Variants in SNX11 observed in about 807,000 individuals in gnomAD.
SNX11 encodes the protein sorting nexin-11.
SNX11 carries 19 observed loss-of-function variants against 30.7 expected under a neutral mutation model. That is an observed-to-expected ratio of 0.62 (90% CI 0.43 to 0.91). The LOEUF (loss-of-function observed/expected upper bound fraction) is 0.91, where lower values mean the gene tolerates loss of function less well. Among genes scored for constraint, SNX11 ranks in the 40% least tolerant of loss-of-function variants. SNX11 has a pLI of 0.00. For synonymous variants in SNX11, 112 were observed against 119.0 expected (o/e 0.94, Z 0.38); for missense variants, 302 against 326.7 (o/e 0.92, Z 0.58).
chr17:48,113,504 C>T, intron 4 of SNX11, 103 bp downstream of exon 4: 3 of 733,550 alleles, frequency 4.1e-6, no homozygotes, highest in South Asian at 1.5e-5. Flanking sequence ...ATACCAGGCA[C>T]TAAGGAAATT....
rs1241560206 is a variant in SNX11 at position 48,119,138 on chromosome 17, A to T, written c.491A>T (p.Glu164Val). The part of the protein sequence containing the change: ...YAMSNCGWAQ[E>V]ERQSSSHLAK... ...ATGTCAAACTGTGGCTGGGCCCAGG[A>T]AGAGAGGCAGAGCTCTTCTCACCTG... is the stretch of plus-strand genomic sequence containing the variant. Residue 164 changes from glutamate (E) to valine (V), a missense_variant, in exon 6 of 7, where the codon GAA (glutamate) becomes GTA (valine). By Grantham distance (121) the Glu-to-Val change is moderately radical. Transcript: ENST00000359238. 2 of 1,614,136 alleles carry T rather than the reference A, an allele frequency of 1.2e-6. No homozygotes were observed. The highest frequency in any genetic ancestry group is 1.7e-5 in the Admixed American group (1 of 60,014).
chr17:48,120,052 G>A (rs2063582857), intron 6 of SNX11, among the ~76,000 whole-genome samples: 1 of 151,766 alleles, frequency 6.6e-6, no homozygotes, highest in African/African-American at 2.4e-5. Context: ...ATCTAACAAT[G>A]TTTTCAAGGT....
intron 4 of SNX11, 106 bp from the exon 5 acceptor site, chr17:48,118,598 T>C: frequency 4.2e-6 from 3 of 721,728 alleles, no homozygotes; most frequent in Non-Finnish European, 6.9e-6. Context: ...AAAAAAGCTA[T>C]TTGTATTGAT....
At chr17:48,112,832 G>T (rs888034611) in intron 3 of SNX11, 172 bp downstream of exon 3, 9 of 363,386 alleles carry the variant, frequency 2.5e-5, no homozygotes, top group Non-Finnish European at 4.0e-5. Flanking sequence ...CCAGGTTCAA[G>T]TGATTCTCCT....
At chr17:48,108,665 CTT>C (rs1195378398) in intron 1 of SNX11, among the ~76,000 whole-genome samples, 1 of 152,198 alleles carries the variant, frequency 6.6e-6, no homozygotes, top group Non-Finnish European at 1.5e-5. Context: ...GTAAAGGAAA[CTT>C]CAGATGTGGT....
chr17:48,116,813 G>A (rs940242285), intron 4 of SNX11, among the ~76,000 whole-genome samples: 10 of 150,490 alleles, frequency 6.6e-5, no homozygotes, highest in Admixed American at 6.6e-4. Context: ...TGATCTACGT[G>A]CCTTGTCCTC....
intron 4 of SNX11, 195 bp downstream of exon 4, chr17:48,113,596 AG>A: frequency 2.2e-6 from 1 of 449,608 alleles, no homozygotes; most frequent in Admixed American, 3.6e-5. Flanking sequence ...CAGAGGCTGG[AG>A]TGCAGTGGTG....
chr17:48,111,186 A>AC, intron 1 of SNX11: 2 of 945,286 alleles, frequency 2.1e-6, no homozygotes, highest in South Asian at 4.9e-5. Context: ...GAAGGTCCCA[A>AC]CTGGGCAACC....
chr17:48,122,833 T>C lies in SNX11; in HGVS notation c.*1325T>C, dbSNP rs2063613765. On this transcript the variant is annotated 3_prime_UTR_variant, in exon 7 of 7. Transcript: ENST00000359238. Reference sequence around the variant, plus strand: ...GTATTTCCTTTCATAAATCATGAATTTATCAGTGTGGAAATAATGCTTCAG... The same window carrying C: ...GTATTTCCTTTCATAAATCATGAATCTATCAGTGTGGAAATAATGCTTCAG... 6.6e-6 allele frequency: 1 copy of C among 152,098 alleles called. No individual in the cohort carries two copies. Among genetic ancestry groups the C allele is most frequent in the African/African-American group, 2.4e-5 (1 of 41,418 alleles). The allele number at this position is 152,098 out of a possible 1,614,324, so 9.4% of individuals were successfully genotyped here.
At chr17:48,112,496 T>C (rs2063501516) in intron 2 of SNX11, 78 bp from the exon 3 acceptor site, 2 of 888,756 alleles carry the variant, frequency 2.3e-6, no homozygotes, top group Non-Finnish European at 3.7e-6. Context: ...TGGTGTTGGG[T>C]GGAAAAATCT....
intron 4 of SNX11, among the ~76,000 whole-genome samples, chr17:48,116,088 T>TG: frequency 6.6e-6 from 1 of 152,034 alleles, no homozygotes; most frequent in Middle Eastern, 3.4e-3. Flanking sequence ...TGAAACCCCA[T>TG]CTCTACTAAA....
chr17:48,120,856 AG>A (rs1822611872), intron 6 of SNX11, among the ~76,000 whole-genome samples: 1 of 150,280 alleles, frequency 6.7e-6, no homozygotes, highest in Non-Finnish European at 1.5e-5. Flanking sequence ...CAGGTTACCC[AG>A]GTTGGTCTCC....
At chr17:48,115,850 C>T (rs2063540101) in intron 4 of SNX11, among the ~76,000 whole-genome samples, 1 of 151,038 alleles carries the variant, frequency 6.6e-6, no homozygotes, top group Non-Finnish European at 1.5e-5. Context: ...CTGGGGCAGG[C>T]CCTAATAAAC....
intron 6 of SNX11, among the ~76,000 whole-genome samples, chr17:48,120,351 C>T (rs1269259627): frequency 1.3e-5 from 2 of 151,328 alleles, no homozygotes; most frequent in African/African-American, 4.9e-5. Context: ...GGATTACAGG[C>T]ACCTGCCACC....
rs2063601738 is a variant in SNX11, at chr17:48,121,405, C to G, written c.710C>G (p.Pro237Arg). Residue 237 changes from proline (P) to arginine (R), a missense_variant, in exon 7 of 7, where the codon CCC (proline) becomes CGC (arginine). Coordinates refer to ENST00000359238, the MANE Select transcript of SNX11 (RefSeq NM_013323.3). The stretch of plus-strand genomic sequence containing the variant: ...CCATTATGCTGTGATTTTGGAAGAC[C>G]CAAAGAGGGAACCTCCACTCTTCAG... Reference protein sequence around the residue: ...SSPLCCDFGRPKEGTSTLQSV... With the variant: ...SSPLCCDFGRRKEGTSTLQSV... 1 of 1,614,072 alleles carries G rather than the reference C, an allele frequency of 6.2e-7. No individual in the cohort carries two copies. The highest frequency in any genetic ancestry group is 1.7e-5 in the Admixed American group (1 of 59,988).
At chr17:48,113,639 G>A (rs2063513909) in intron 4 of SNX11, 4 of 390,692 alleles carry the variant, frequency 1.0e-5, no homozygotes, top group South Asian at 9.0e-5. Flanking sequence ...TCAACCTCCT[G>A]GGTTCTAGCA....
At position 48,118,771 on chromosome 17, in the gene SNX11, C is replaced by T. The variant is rs780438947; in HGVS notation, c.298C>T (p.Arg100Ter). Residue 100 changes from arginine (R) to a stop codon, truncating the protein, a stop_gained, in exon 5 of 7, where the codon CGA becomes TGA. Coordinates refer to ENST00000359238, the MANE Select transcript of SNX11 (RefSeq NM_013323.3). LOFTEE classifies it high-confidence loss of function. ...GTSDEFIEKR[R>*]QGLQHFLEKV... ...CTCAGATGAGTTCATTGAGAAGCGA[C>T]GACAAGGTCTGCAGCACTTCCTTGA... 3.1e-6 allele frequency: 5 copies of T among 1,614,024 alleles called. No homozygotes were observed. Among genetic ancestry groups the T allele is most frequent in the African/African-American group, 1.3e-5 (1 of 75,024 alleles).
rs770250111 is a variant in SNX11 at position 48,113,421 on chromosome 17, C to G, written c.230+20C>G. The G allele has an allele frequency of 6.3e-7, 1 of 1,584,504 alleles. No individual in the cohort carries two copies. Among genetic ancestry groups the G allele is most frequent in the South Asian group, 1.1e-5 (1 of 90,436 alleles). ...TTTGGTGTGAGTTTGCTCTTGCTTCCTTCTTGGGTCTGTGACTGGCTTTTT... is the reference window on the plus strand; with the variant it reads ...TTTGGTGTGAGTTTGCTCTTGCTTCGTTCTTGGGTCTGTGACTGGCTTTTT... On this transcript the variant is annotated intron_variant, in intron 4 of 6. Coordinates refer to ENST00000359238, the MANE Select transcript of SNX11 (RefSeq NM_013323.3).
chr17:48,120,665 T>C (rs1437804024), intron 6 of SNX11, among the ~76,000 whole-genome samples: 7 of 151,560 alleles, frequency 4.6e-5, no homozygotes, highest in Middle Eastern at 6.3e-3. Context: ...CCCGCCACCA[T>C]GCCCGGCTAA....
Sources: gnomAD v4.1 joint callset for allele counts (sites outside exome capture counted in the v4.1 genomes callset) on GRCh38, gnomAD v4.1.1 for gene constraint, MANE v1.5 for transcripts, NCBI Gene and HGNC (gene_info 2026-07-23, HGNC 2026-07-21) for gene names.